Variants in AZIN1 observed in about 807,000 individuals in gnomAD.
The protein encoded by AZIN1 is antizyme inhibitor 1.
Under a neutral mutation model 47.4 loss-of-function variants are expected in AZIN1, and 12 were observed. The observed-to-expected ratio is 0.25, with a 90% CI of 0.16 to 0.41. The LOEUF (loss-of-function observed/expected upper bound fraction) is 0.41, where lower values mean the gene tolerates loss of function less well. Ranked by LOEUF, AZIN1 falls within the 10% of genes least tolerant of loss-of-function variation. The probability of loss-of-function intolerance (pLI) is 1.00; values close to 1 mark genes in which losing one functional copy is unlikely to be tolerated. For missense variants in AZIN1, 410 were observed against 532.4 expected, an observed-to-expected ratio of 0.77 and a Z score of 2.26; for synonymous variants, 155 against 176.3, an observed-to-expected ratio of 0.88 and a Z score of 0.96.
intron 3 of AZIN1, among the ~76,000 whole-genome samples, chr8:102,843,240 G>T (rs1011354782): frequency 6.7e-6 from 1 of 150,318 alleles, no homozygotes; most frequent in African/African-American, 2.4e-5. Context: ...TGAGAAAAAT[G>T]AGTAAGAAGC....
chr8:102,839,838 A>T lies in AZIN1; in HGVS notation c.103-15T>A, dbSNP rs770252412. The T allele has an allele frequency of 1.4e-5, 21 of 1,449,914 alleles. No individual in the cohort carries two copies. In the South Asian group the frequency reaches 1.8e-4, roughly 12 times the overall value. The allele number at this position is 1,449,914 out of a possible 1,614,324, so 89.8% of individuals were successfully genotyped here. A position where few individuals can be genotyped will look rare whatever the true frequency, so the allele number is the denominator to read the frequency against. ...TTTTTCCCTGTCTATTATGGTTATA[A>T]AAAAAAAGACAAATATGAACAAAAA... is the stretch of plus-strand genomic sequence containing the variant. On this transcript the variant is annotated splice_polypyrimidine_tract_variant and intron_variant, in intron 3 of 11. Coordinates refer to ENST00000337198, the MANE Select transcript of AZIN1 (RefSeq NM_148174.4).
rs959568263 is a variant in AZIN1, at chr8:102,854,133, T to C, written c.-96+3880A>G. Among the ~76,000 whole-genome samples, 169 of 151,878 alleles carry C rather than the reference T, an allele frequency of 1.1e-3. 1 individual carries two copies. The highest frequency in any genetic ancestry group is 1.6e-4 in the Non-Finnish European group (11 of 67,954). ...TTTGTATTTTTAGTAGAGACAAGGT[T>C]TCACCATATTGGCCAGGCTGGTCTC... is the stretch of plus-strand genomic sequence containing the variant. On this transcript the variant is annotated intron_variant, in intron 2 of 11. Coordinates refer to ENST00000337198, the MANE Select transcript of AZIN1 (RefSeq NM_148174.4).
chr8:102,854,239 G>A (rs1406858677), intron 2 of AZIN1, among the ~76,000 whole-genome samples: 2 of 151,728 alleles, frequency 1.3e-5, no homozygotes, highest in South Asian at 2.1e-4. Flanking sequence ...GCACCCAGCG[G>A]ACAACCTCCC....
In AZIN1 at chr8:102,826,536, T is replaced by C. The variant is rs1048087291; in HGVS notation, c.*2031A>G. 6.6e-6 allele frequency: 1 copy of C among 152,624 alleles called. No individual in the cohort carries two copies. Among genetic ancestry groups the C allele is most frequent in the African/African-American group, 2.4e-5 (1 of 41,460 alleles). 9.5% of individuals were successfully genotyped at this position (152,624 alleles called of 1,614,324 possible). On this transcript the variant is annotated 3_prime_UTR_variant, in exon 12 of 12. Transcript: ENST00000337198. ...AACTTTTTAGCATACCAAATTGAAA[T>C]ACATAGGTTCAAATTTCAGATTTAT...
intron 3 of AZIN1, among the ~76,000 whole-genome samples, chr8:102,842,646 G>A (rs2436847): frequency 0.37 from 56,391 of 150,472 alleles, 11,467 homozygotes; most frequent in South Asian, 0.46. Context: ...GGCGGAGGTT[G>A]CAGTGAGCCG....
At chr8:102,841,200 C>A (rs958830531) in intron 3 of AZIN1, among the ~76,000 whole-genome samples, 1 of 151,938 alleles carries the variant, frequency 6.6e-6, no homozygotes, top group African/African-American at 2.4e-5. Context: ...TGTGCAAAGA[C>A]GGATAGATAG....
At chr8:102,839,529 CA>C (rs1803675389) in intron 4 of AZIN1, 120 bp downstream of exon 4, 1 of 671,404 alleles carries the variant, frequency 1.5e-6, no homozygotes, top group Non-Finnish European at 2.2e-6. Flanking sequence ...GAGATTTAAA[CA>C]ATTATTTTGA....
intron 2 of AZIN1, among the ~76,000 whole-genome samples, chr8:102,846,795 G>A (rs886502350): frequency 6.6e-6 from 1 of 151,936 alleles, no homozygotes; most frequent in African/African-American, 2.4e-5. Context: ...ACATTATCAC[G>A]CCTACTCACA....
chr8:102,851,190 T>G (rs528685675), intron 2 of AZIN1, among the ~76,000 whole-genome samples: 2 of 152,310 alleles, frequency 1.3e-5, no homozygotes, highest in South Asian at 2.1e-4. Flanking sequence ...TAAAGATAAC[T>G]ATTACAATAC....
At chr8:102,851,122 G>T (rs12547200) in intron 2 of AZIN1, among the ~76,000 whole-genome samples, 15,956 of 152,188 alleles carry the variant, frequency 0.1, 1,156 homozygotes, top group Admixed American at 0.22. Context: ...AAGTGTGTGT[G>T]TACCTGCACT....
At chr8:102,833,480 T>TG (rs1811603577) in intron 8 of AZIN1, among the ~76,000 whole-genome samples, 1 of 151,924 alleles carries the variant, frequency 6.6e-6, no homozygotes, top group Non-Finnish European at 1.5e-5. Context: ...TTGTTTTTTT[T>TG]TAAGTCATTT....
At chr8:102,839,585 G>A (rs190096457) in intron 4 of AZIN1, 65 bp downstream of exon 4, 25 of 1,168,614 alleles carry the variant, frequency 2.1e-5, no homozygotes, top group African/African-American at 7.8e-5. Context: ...TTCTCTAACC[G>A]CTGTAACTAC....
chr8:102,833,453 C>A (rs1464644824), intron 8 of AZIN1, among the ~76,000 whole-genome samples: 1 of 148,096 alleles, frequency 6.8e-6, no homozygotes, highest in Non-Finnish European at 1.5e-5. Flanking sequence ...ATAACAAATA[C>A]CCACTGGTAT....
intron 1 of AZIN1, among the ~76,000 whole-genome samples, chr8:102,861,579 C>CTCA (rs545665007): frequency 1.5e-4 from 23 of 152,084 alleles, no homozygotes; most frequent in Non-Finnish European, 3.1e-4. Flanking sequence ...TGGGCTACTA[C>CTCA]TCAGCAACAC....
At position 102,838,642 on chromosome 8, in the gene AZIN1, C is replaced by CA. The variant is rs1195502548; in HGVS notation, c.449+101dup. On this transcript the variant is annotated intron_variant, in intron 5 of 11. Coordinates refer to ENST00000337198, the MANE Select transcript of AZIN1 (RefSeq NM_148174.4). The stretch of plus-strand genomic sequence containing the variant: ...TTAAATAAGTTATAATTATGATACA[C>CA]ATCATTGCCCTACCACAAATGCTCC... 64 of 897,442 alleles carry CA rather than the reference C, an allele frequency of 7.1e-5. 1 individual carries two copies. The highest frequency in any genetic ancestry group is 5.1e-4 in the South Asian group (28 of 54,774). 55.6% of individuals were successfully genotyped at this position (897,442 alleles called of 1,614,324 possible). A position where few individuals can be genotyped will look rare whatever the true frequency, so the allele number is the denominator to read the frequency against.
chr8:102,863,482 A>C (rs1337935891), intron 1 of AZIN1, among the ~76,000 whole-genome samples: 1 of 151,204 alleles, frequency 6.6e-6, no homozygotes, highest in Non-Finnish European at 1.5e-5. Flanking sequence ...GCACGCCGCC[A>C]GGAGGGGACG....
chr8:102,834,769 A>G, intron 6 of AZIN1, 22 bp from the exon 7 acceptor site: 1 of 1,562,592 alleles, frequency 6.4e-7, no homozygotes. Flanking sequence ...AGAATACTAA[A>G]TTTAAAGGAG....
At chr8:102,828,759 G>A (rs1178240050) in intron 11 of AZIN1, 81 bp from the exon 12 acceptor site, 2 of 817,372 alleles carry the variant, frequency 2.4e-6, no homozygotes, top group South Asian at 1.7e-5. Flanking sequence ...TAATAAAACA[G>A]GATTATAACT....
intron 2 of AZIN1, among the ~76,000 whole-genome samples, chr8:102,848,702 G>T (rs1812738779): frequency 6.6e-6 from 1 of 152,074 alleles, no homozygotes; most frequent in South Asian, 2.1e-4. Context: ...TCCTAAAAAA[G>T]CAGCTCAAAT....
Sources: allele counts gnomAD v4.1 joint callset (sites outside exome capture counted in the v4.1 genomes callset), GRCh38; gene constraint gnomAD v4.1.1; transcripts MANE v1.5; gene names NCBI Gene and HGNC (gene_info 2026-07-23, HGNC 2026-07-21).